The following NIFK variants were observed in gnomAD, a reference collection of about 807,000 sequenced individuals.
NIFK encodes the protein nucleolar protein interacting with the FHA domain of MKI67, also known as MKI67 FHA domain-interacting nucleolar phosphoprotein.
Under a neutral mutation model 31.7 loss-of-function variants are expected in NIFK, and 16 were observed. That is an observed-to-expected ratio of 0.50 (90% CI 0.34 to 0.77). The LOEUF (loss-of-function observed/expected upper bound fraction) is 0.77, where lower values mean the gene tolerates loss of function less well. NIFK is among the 30% of genes least tolerant of loss of function. The pLI is 0.01. For synonymous variants in NIFK, 126 were observed against 123.0 expected, an observed-to-expected ratio of 1.02 and a Z score of -0.16; for missense variants, 341 against 350.4, an observed-to-expected ratio of 0.97 and a Z score of 0.21.
rs1002345647 is a variant in NIFK at position 121,728,079 on chromosome 2, T to G, written c.694-167A>C. 2.1e-5 allele frequency: 15 copies of G among 731,020 alleles called. No homozygotes were observed. The African/African-American group carries it at 2.4e-4, about 11-fold the overall frequency. The allele number at this position is 731,020 out of a possible 1,614,324, so 45.3% of individuals were successfully genotyped here. On this transcript the variant is annotated intron_variant, in intron 6 of 6. Coordinates refer to ENST00000285814, the MANE Select transcript of NIFK (RefSeq NM_032390.5). ...AAAGAATAAAGAACTTAGATGCTTA[T>G]CAAACTTGGTACAGAAATTCACAAT...
Position 121,732,077 on chromosome 2 carries a change from G to GT in NIFK, c.352+18dup. The GT allele has an allele frequency of 6.7e-7, 1 of 1,491,930 alleles. No homozygotes were observed. 92.4% of individuals were successfully genotyped at this position (1,491,930 alleles called of 1,614,324 possible). On this transcript the variant is annotated intron_variant, in intron 3 of 6. Transcript: ENST00000285814. ...CAGCAGGCACCCAGGCAACCCTGCG[G>GT]TAAGACAGGAGCACTTACACTCCAA...
rs1324129461 is a variant in NIFK at position 121,728,530 on chromosome 2, G to T, written c.571C>A (p.Gln191Lys). ...GTTTTTGAAATACTTTCCGTTTTCT[G>T]TAAAATCTTTAATAAAGAAGTTAGA... ...IDYDFPSLIL[Q>K]KTESISKTNR... The change falls in exon 5 of 7, where the codon CAG becomes AAG. Residue 191 changes from glutamine (Q) to lysine (K), a missense_variant. Gln to Lys is a moderately conservative substitution (Grantham distance 53). Coordinates refer to ENST00000285814, the MANE Select transcript of NIFK (RefSeq NM_032390.5). The T allele has an allele frequency of 6.4e-7, 1 of 1,569,228 alleles. No homozygotes were observed. Among genetic ancestry groups the T allele is most frequent in the East Asian group, 2.2e-5 (1 of 44,526 alleles).
At position 121,727,150 on chromosome 2, in the gene NIFK, C is replaced by T; in HGVS notation, c.*574G>A. 4.1e-6 allele frequency: 1 copy of T among 245,510 alleles called. No individual in the cohort carries two copies. The highest frequency in any genetic ancestry group is 8.2e-6 in the Non-Finnish European group (1 of 121,604). The allele number at this position is 245,510 out of a possible 1,614,324, so 15.2% of individuals were successfully genotyped here. On this transcript the variant is annotated 3_prime_UTR_variant, in exon 7 of 7. Coordinates refer to ENST00000285814, the MANE Select transcript of NIFK (RefSeq NM_032390.5). Reference sequence around the variant, plus strand: ...TGGTGGTTATTAATTCATGCTAGCACAACCAAAACTAATTTAACATTATTG... The same window carrying T: ...TGGTGGTTATTAATTCATGCTAGCATAACCAAAACTAATTTAACATTATTG...
chr2:121,728,075 C>T (rs188252521), intron 6 of NIFK, 163 bp from the exon 7 acceptor site: 61 of 732,378 alleles, frequency 8.3e-5, no homozygotes, highest in African/African-American at 8.1e-4. Flanking sequence ...AACTTAGATG[C>T]TTATCAAACT....
rs766143942 is a variant in NIFK at position 121,727,904 on chromosome 2, T to C, written c.702A>G (p.Thr234=). ...CCAAAAATGTTGGTGTACAAACTGGTGTGGGGCCCTGGATTCAACAAGTAA... is the reference window on the plus strand; with the variant it reads ...CCAAAAATGTTGGTGTACAAACTGGCGTGGGGCCCTGGATTCAACAAGTAA... ...PEKTVDSQGP[T]PVCTPTFLER... Residue 234 remains threonine (T), a synonymous_variant, in exon 7 of 7, where the codon ACA becomes ACG. Coordinates refer to ENST00000285814, the MANE Select transcript of NIFK (RefSeq NM_032390.5). 3 of 1,591,606 alleles carry C rather than the reference T, an allele frequency of 1.9e-6. No homozygotes were observed. In the East Asian group the frequency reaches 6.7e-5, roughly 36 times the overall value.
At chr2:121,731,556 G>T (rs185150278) in intron 3 of NIFK, among the ~76,000 whole-genome samples, 27 of 152,354 alleles carry the variant, frequency 1.8e-4, no homozygotes, top group Admixed American at 9.1e-4. Flanking sequence ...GACCTTTGAT[G>T]CTATCCCCAC....
intron 1 of NIFK, among the ~76,000 whole-genome samples, chr2:121,736,173 T>C (rs778804592): frequency 2.6e-5 from 4 of 152,248 alleles, no homozygotes; most frequent in Admixed American, 6.5e-5. Context: ...TCAGTCATCA[T>C]AGCCTTACCT....
intron 2 of NIFK, 124 bp downstream of exon 2, chr2:121,735,489 C>T: frequency 9.6e-7 from 1 of 1,039,478 alleles, no homozygotes; most frequent in Non-Finnish European, 1.4e-6. Flanking sequence ...TTCTAAACCT[C>T]CTCCACTCTC....
chr2:121,731,177 C>T, intron 3 of NIFK, 73 bp from the exon 4 acceptor site: 3 of 813,072 alleles, frequency 3.7e-6, no homozygotes, highest in Non-Finnish European at 5.9e-6. Flanking sequence ...CCATTCCTCA[C>T]ACAACAAAAT....
rs747740920 is a variant in NIFK, at chr2:121,728,342, C to T, written c.639G>A (p.Lys213=). 3.7e-6 allele frequency: 6 copies of T among 1,604,876 alleles called. No homozygotes were observed. The South Asian group carries it at 6.7e-5, about 18-fold the overall frequency. ...TSTKGQVLRK[K]KKKVSGTLDT... is the part of the protein sequence containing the mutation. ...CAAGAGTACCTGAAACTTTTTTCTTCTTCTTACGTAAAACCTTAAAATAAA... is the reference window on the plus strand; with the variant it reads ...CAAGAGTACCTGAAACTTTTTTCTTTTTCTTACGTAAAACCTTAAAATAAA... The change falls in exon 6 of 7, where the codon AAG becomes AAA. Residue 213 remains lysine, a synonymous_variant. Transcript: ENST00000285814.
chr2:121,736,822 G>A lies in NIFK; in HGVS notation c.29C>T (p.Pro10Leu). 6.2e-7 allele frequency: 1 copy of A among 1,614,162 alleles called. No individual in the cohort carries two copies. The change falls in exon 1 of 7, where the codon CCA (proline) becomes CTA (leucine). Residue 10 changes from proline (P) to leucine (L), a missense_variant. By Grantham distance (98) the Pro-to-Leu change is moderately conservative. Coordinates refer to ENST00000285814, the MANE Select transcript of NIFK (RefSeq NM_032390.5). MATFSGPAGPILSLNPQEDV... is the reference protein window; with the variant it reads MATFSGPAGLILSLNPQEDV... ...TTCCTGCGGATTAAGCGACAGGATT[G>A]GCCCAGCCGGGCCAGAAAAAGTCGC...
In NIFK at chr2:121,727,769, T is replaced by C. The variant is rs200549848; in HGVS notation, c.837A>G (p.Thr279=). ...GTCTTTTTTTCCGTGAATGTGTAGG[T>C]GTTTGAGTCTCTTGTATTTCTTCTT... ...CVKEEIQETQ[T]PTHSRKKRRR... Residue 279 remains threonine (T), a synonymous_variant, in exon 7 of 7, where the codon ACA becomes ACG. Coordinates refer to ENST00000285814, the MANE Select transcript of NIFK (RefSeq NM_032390.5). The C allele has an allele frequency of 9.5e-5, 152 of 1,607,116 alleles. 1 individual carries two copies. In the Middle Eastern group the frequency reaches 4.2e-3, roughly 44 times the overall value.
Position 121,732,292 on chromosome 2 carries a change from T to G in NIFK, c.244-88A>C, listed in dbSNP as rs181687905. On this transcript the variant is annotated intron_variant, in intron 2 of 6. Transcript: ENST00000285814. ...TAAAATGCCATTATTTTAAATAATGTATATTAGCCCCTTATCAAATATTAC... is the reference window on the plus strand; with the variant it reads ...TAAAATGCCATTATTTTAAATAATGGATATTAGCCCCTTATCAAATATTAC... The G allele has an allele frequency of 4.0e-6, 3 of 757,258 alleles. No homozygotes were observed. The East Asian group carries it at 7.7e-5, about 19-fold the overall frequency. The allele number at this position is 757,258 out of a possible 1,614,324, so 46.9% of individuals were successfully genotyped here.
In NIFK at chr2:121,727,907, G is replaced by C. The variant is rs751302799; in HGVS notation, c.699C>G (p.Pro233=). Residue 233 remains proline, a synonymous_variant, in exon 7 of 7, where the codon CCC becomes CCG. Coordinates refer to ENST00000285814, the MANE Select transcript of NIFK (RefSeq NM_032390.5). ...TPEKTVDSQG[P]TPVCTPTFLE... The stretch of plus-strand genomic sequence containing the variant: ...AAAATGTTGGTGTACAAACTGGTGT[G>C]GGGCCCTGGATTCAACAAGTAAAGA... 6.3e-7 allele frequency: 1 copy of C among 1,590,606 alleles called. No individual in the cohort carries two copies. Among genetic ancestry groups the C allele is most frequent in the Non-Finnish European group, 8.5e-7 (1 of 1,174,400 alleles).
At chr2:121,728,251 TA>T in intron 6 of NIFK, 36 bp downstream of exon 6, 2 of 1,246,796 alleles carry the variant, frequency 1.6e-6, no homozygotes, top group Non-Finnish European at 2.3e-6. Flanking sequence ...ATTATTTCTA[TA>T]ATATCTGGTG....
chr2:121,731,263 A>C (rs944805423), intron 3 of NIFK, 159 bp from the exon 4 acceptor site: 3 of 576,260 alleles, frequency 5.2e-6, no homozygotes, highest in Non-Finnish European at 9.2e-6. Flanking sequence ...TAGAGAGACA[A>C]GACCTGGGCA....
intron 2 of NIFK, among the ~76,000 whole-genome samples, chr2:121,733,172 A>T (rs2074556112): frequency 6.6e-6 from 1 of 150,892 alleles, no homozygotes; most frequent in African/African-American, 2.4e-5. Context: ...TGAGGTCAGG[A>T]GTTCGAGACC....
chr2:121,728,563 A>C (rs1485141923), intron 4 of NIFK, 27 bp from the exon 5 acceptor site: 7 of 1,305,048 alleles, frequency 5.4e-6, no homozygotes, highest in African/African-American at 1.5e-5. Flanking sequence ...AGAAATTGAC[A>C]CTCATATCTT....
Position 121,727,587 on chromosome 2 carries a change from T to G in NIFK, c.*137A>C. ...AGGCAATCCAAAATTACACACTGCT[T>G]TCCTTAACTTGACCAAACAGTGTAT... On this transcript the variant is annotated 3_prime_UTR_variant, in exon 7 of 7. Transcript: ENST00000285814. 2.5e-6 allele frequency: 2 copies of G among 801,598 alleles called. No individual in the cohort carries two copies. The highest frequency in any genetic ancestry group is 4.5e-5 in the Admixed American group (2 of 44,524). The allele number at this position is 801,598 out of a possible 1,614,324, so 49.7% of individuals were successfully genotyped here.
Sources: gnomAD v4.1 joint callset for allele counts (sites outside exome capture counted in the v4.1 genomes callset) on GRCh38, gnomAD v4.1.1 for gene constraint, MANE v1.5 for transcripts, NCBI Gene and HGNC (gene_info 2026-07-23, HGNC 2026-07-21) for gene names.